Variants in CHURC1 observed in about 807,000 individuals in gnomAD.
CHURC1 encodes churchill domain containing 1, also known as protein Churchill.
A neutral mutation model predicts 15.4 loss-of-function variants in CHURC1; 12 were observed. The ratio of observed to expected loss-of-function variants is 0.78; its 90% CI spans 0.50 to 1.27. The LOEUF is 1.27. CHURC1 is among the 50% of genes most tolerant of loss of function. The pLI is 0.00. For synonymous variants in CHURC1, 42 were observed against 47.5 expected (o/e 0.88, Z 0.48); for missense variants, 132 against 137.8 (o/e 0.96, Z 0.21).
Position 64,934,395 on chromosome 14 carries a change from CTTGT to C in CHURC1, c.*2168_*2171del. ...AACAACAAAAAAAGAAGTTAAATAA[CTTGT>C]TTAAGATCACACAGCTAGTGCAGTT... is the stretch of plus-strand genomic sequence containing the variant. On this transcript the variant is annotated 3_prime_UTR_variant, in exon 4 of 4. Transcript: ENST00000549115. 1 of 972,538 alleles carries C rather than the reference CTTGT, an allele frequency of 1.0e-6. No homozygotes were observed. The highest frequency in any genetic ancestry group is 1.1e-4 in the East Asian group (1 of 8,764). The allele number at this position is 972,538 out of a possible 1,614,324, so 60.2% of individuals were successfully genotyped here.
At chr14:64,920,873 G>A (rs1184577317) in intron 1 of CHURC1, among the ~76,000 whole-genome samples, 1 of 152,188 alleles carries the variant, frequency 6.6e-6, no homozygotes, top group Non-Finnish European at 1.5e-5. Flanking sequence ...TGTAAAGTGT[G>A]TAAGCTCATG....
rs973681692 is a variant in CHURC1, at chr14:64,934,841, CTATT to C, written c.*2613_*2616del. On this transcript the variant is annotated 3_prime_UTR_variant, in exon 4 of 4. Coordinates refer to ENST00000549115, the MANE Select transcript of CHURC1 (RefSeq NM_001386928.1). ...CATCTATTGCAGAATGTATAATTAT[CTATT>C]TGTTTTGGACTATATGTTACAAAAA... 30 of 984,860 alleles carry C rather than the reference CTATT, an allele frequency of 3.0e-5. No homozygotes were observed. Among genetic ancestry groups the C allele is most frequent in the Middle Eastern group, 1.0e-3 (2 of 1,936 alleles). 61.0% of individuals were successfully genotyped at this position (984,860 alleles called of 1,614,324 possible). A position where few individuals can be genotyped will look rare whatever the true frequency, so the allele number is the denominator to read the frequency against.
At chr14:64,918,549 C>G (rs554532279) in intron 1 of CHURC1, among the ~76,000 whole-genome samples, 6 of 152,120 alleles carry the variant, frequency 3.9e-5, no homozygotes, top group African/African-American at 1.4e-4. Flanking sequence ...GATGGTGGGC[C>G]GGGCCTAGTG....
intron 1 of CHURC1, among the ~76,000 whole-genome samples, chr14:64,919,312 A>G (rs1245137787): frequency 6.6e-6 from 1 of 152,210 alleles, no homozygotes; most frequent in Non-Finnish European, 1.5e-5. Flanking sequence ...TACATTATGA[A>G]TCAGTGGGAA....
In CHURC1 at chr14:64,932,326, T is replaced by C; in HGVS notation, c.*96T>C. The stretch of plus-strand genomic sequence containing the variant: ...TATTTCATTCATACTGAAAATTCTT[T>C]GCATATTTTTTTTCTGCTTAGACTT... On this transcript the variant is annotated 3_prime_UTR_variant, in exon 4 of 4. Coordinates refer to ENST00000549115, the MANE Select transcript of CHURC1 (RefSeq NM_001386928.1). 6.5e-7 allele frequency: 1 copy of C among 1,531,614 alleles called. No homozygotes were observed. Among genetic ancestry groups the C allele is most frequent in the South Asian group, 1.3e-5 (1 of 78,596 alleles). The allele number at this position is 1,531,614 out of a possible 1,614,324, so 94.9% of individuals were successfully genotyped here.
At chr14:64,927,725 C>CCCCCACCCCCCG (rs1159192986) in intron 3 of CHURC1, among the ~76,000 whole-genome samples, 1 of 109,376 alleles carries the variant, frequency 9.1e-6, no homozygotes, top group African/African-American at 3.7e-5. Context: ...CACCCCCCCC[C>CCCCCACCCCCCG]CCGCCGTCAA....
chr14:64,928,901 T>C (rs1884913004), intron 3 of CHURC1, among the ~76,000 whole-genome samples: 1 of 152,204 alleles, frequency 6.6e-6, no homozygotes, highest in South Asian at 2.1e-4. Context: ...TTCTTTATGC[T>C]CTCTCTTGTA....
Position 64,934,576 on chromosome 14 carries a change from G to A in CHURC1, c.*2346G>A, listed in dbSNP as rs918546453. 1.0e-6 allele frequency: 1 copy of A among 985,428 alleles called. No homozygotes were observed. Among genetic ancestry groups the A allele is most frequent in the Non-Finnish European group, 1.2e-6 (1 of 829,932 alleles). 61.0% of individuals were successfully genotyped at this position (985,428 alleles called of 1,614,324 possible). ...CAGAAAAGTTAAGTCAGCTGTTGCA[G>A]GGATCAGTTGTTTTATTCCTGGAAA... On this transcript the variant is annotated 3_prime_UTR_variant, in exon 4 of 4. Coordinates refer to ENST00000549115, the MANE Select transcript of CHURC1 (RefSeq NM_001386928.1).
In CHURC1 at chr14:64,935,346, A is replaced by T. The variant is rs1005594909; in HGVS notation, c.*3116A>T. On this transcript the variant is annotated 3_prime_UTR_variant, in exon 4 of 4. Coordinates refer to ENST00000549115, the MANE Select transcript of CHURC1 (RefSeq NM_001386928.1). The stretch of plus-strand genomic sequence containing the variant: ...ACTTAAAGTATAATAATAATAAAAT[A>T]AAAAAAAAGGAATTAGGCAAAACAT... 49 of 846,264 alleles carry T rather than the reference A, an allele frequency of 5.8e-5. No homozygotes were observed. The highest frequency in any genetic ancestry group is 1.2e-4 in the East Asian group (1 of 8,150). The allele number at this position is 846,264 out of a possible 1,614,324, so 52.4% of individuals were successfully genotyped here. A position where few individuals can be genotyped will look rare whatever the true frequency, so the allele number is the denominator to read the frequency against.
At chr14:64,923,934 T>C (rs1007739062) in intron 1 of CHURC1, 57 bp from the exon 2 acceptor site, 13 of 1,444,758 alleles carry the variant, frequency 9.0e-6, no homozygotes, top group African/African-American at 1.4e-5. Flanking sequence ...CTGTTAATCA[T>C]CTTCACTAAA....
At chr14:64,932,110 G>A (rs1204815118) in intron 3 of CHURC1, 28 bp from the exon 4 acceptor site, 7 of 1,601,118 alleles carry the variant, frequency 4.4e-6, no homozygotes, top group Non-Finnish European at 6.0e-6. Flanking sequence ...TGTTCCTCTA[G>A]GTAATTATGC....
rs1476761338 is a variant in CHURC1, at chr14:64,934,786, G to C, written c.*2556G>C. On this transcript the variant is annotated 3_prime_UTR_variant, in exon 4 of 4. Coordinates refer to ENST00000549115, the MANE Select transcript of CHURC1 (RefSeq NM_001386928.1). The stretch of plus-strand genomic sequence containing the variant: ...CAACTTAGTCATTTGAAGCCCAAGA[G>C]TCTAATTTTATATGCCCTGCCAATG... The C allele has an allele frequency of 1.0e-6, 1 of 985,282 alleles. No homozygotes were observed. Among genetic ancestry groups the C allele is most frequent in the Admixed American group, 6.1e-5 (1 of 16,266 alleles). The allele number at this position is 985,282 out of a possible 1,614,324, so 61.0% of individuals were successfully genotyped here. A position where few individuals can be genotyped will look rare whatever the true frequency, so the allele number is the denominator to read the frequency against.
intron 2 of CHURC1, 72 bp downstream of exon 2, chr14:64,924,198 A>G (rs1594896688): frequency 6.8e-7 from 1 of 1,474,502 alleles, no homozygotes; most frequent in East Asian, 2.4e-5. Flanking sequence ...ATGTTACACA[A>G]AATATTCTGA....
rs542017307 is a variant in CHURC1, at chr14:64,921,600, AC to A, written c.40-2390del. Among the ~76,000 whole-genome samples, 192 of 152,338 alleles carry A rather than the reference AC, an allele frequency of 1.3e-3. 1 individual carries two copies. The highest frequency in any genetic ancestry group is 4.4e-3 in the African/African-American group (181 of 41,580). On this transcript the variant is annotated intron_variant, in intron 1 of 3. Coordinates refer to ENST00000549115, the MANE Select transcript of CHURC1 (RefSeq NM_001386928.1). The stretch of plus-strand genomic sequence containing the variant: ...AGTCATCAAGGAAACAAAAGTTAAA[AC>A]TACAATGAGATACCACTTTACGTCA...
At chr14:64,923,418 G>A (rs922535052) in intron 1 of CHURC1, among the ~76,000 whole-genome samples, 1 of 152,044 alleles carries the variant, frequency 6.6e-6, no homozygotes, top group Non-Finnish European at 1.5e-5. Flanking sequence ...TCAGTCTTAC[G>A]AAATGAAGAA....
At chr14:64,917,292 G>A (rs946539252) in intron 1 of CHURC1, among the ~76,000 whole-genome samples, 13 of 152,226 alleles carry the variant, frequency 8.5e-5, no homozygotes, top group African/African-American at 3.1e-4. Flanking sequence ...TCTGGGCACG[G>A]TGGCTCACGC....
Position 64,934,540 on chromosome 14 carries a change from G to A in CHURC1, c.*2310G>A. 3.0e-6 allele frequency: 3 copies of A among 985,426 alleles called. No individual in the cohort carries two copies. The East Asian group carries it at 3.4e-4, about 112-fold the overall frequency. 61.0% of individuals were successfully genotyped at this position (985,426 alleles called of 1,614,324 possible). On this transcript the variant is annotated 3_prime_UTR_variant, in exon 4 of 4. Transcript: ENST00000549115. ...GAGGCATCTGGGCATGTCAGATGAAGATTTATTATTCAGAAAAGTTAAGTC... is the reference window on the plus strand; with the variant it reads ...GAGGCATCTGGGCATGTCAGATGAAAATTTATTATTCAGAAAAGTTAAGTC...
rs1260629762 is a variant in CHURC1, at chr14:64,932,698, T to G, written c.*468T>G. 2 of 154,978 alleles carry G rather than the reference T, an allele frequency of 1.3e-5. No homozygotes were observed. The highest frequency in any genetic ancestry group is 3.9e-4 in the East Asian group (2 of 5,192). 9.6% of individuals were successfully genotyped at this position (154,978 alleles called of 1,614,324 possible). On this transcript the variant is annotated 3_prime_UTR_variant, in exon 4 of 4. Coordinates refer to ENST00000549115, the MANE Select transcript of CHURC1 (RefSeq NM_001386928.1). ...GTCAGCATGATCGAACTGAAGGATC[T>G]CTGAAAGGCCACAGCTGGAGCAATT...
chr14:64,929,762 C>T (rs60114956), intron 3 of CHURC1, among the ~76,000 whole-genome samples: 2 of 152,198 alleles, frequency 1.3e-5, no homozygotes, highest in East Asian at 3.9e-4. Flanking sequence ...ATTAGTCTCT[C>T]TGAAAGATAA....
Sources: gnomAD v4.1 joint callset for allele counts (sites outside exome capture counted in the v4.1 genomes callset) on GRCh38, gnomAD v4.1.1 for gene constraint, MANE v1.5 for transcripts, NCBI Gene and HGNC (gene_info 2026-07-23, HGNC 2026-07-21) for gene names.